NELL2: variants seen among roughly 807,000 people sequenced by gnomAD.
NELL2 encodes the protein neural EGFL like 2, also known as protein kinase C-binding protein NELL2.
A neutral mutation model predicts 109.6 loss-of-function variants in NELL2; 41 were observed. That is an observed-to-expected ratio of 0.37 (90% CI 0.29 to 0.49). The LOEUF (loss-of-function observed/expected upper bound fraction) is 0.49. Among genes scored for constraint, NELL2 ranks in the 20% least tolerant of loss-of-function variants. NELL2 has a pLI of 0.98. For synonymous variants in NELL2, 355 were observed against 344.7 expected, an observed-to-expected ratio of 1.03 and a Z score of -0.33; for missense variants, 900 against 1,008.3, an observed-to-expected ratio of 0.89 and a Z score of 1.45.
chr12:44,707,842 T>TAGCCAGAATCATGAAGGTGATAATTG, intron 11 of NELL2, among the ~76,000 whole-genome samples: 1 of 152,170 alleles, frequency 6.6e-6, no homozygotes, highest in African/African-American at 2.4e-5. Flanking sequence ...ACATAGCACA[T>TAGCCAGAATCATGAAGGTGATAATTG]AGCCAGAATC....
intron 19 of NELL2, 132 bp downstream of exon 19, chr12:44,519,873 C>T: frequency 1.3e-6 from 1 of 776,182 alleles, no homozygotes; most frequent in East Asian, 2.7e-5. Context: ...TGGCATTCCG[C>T]CCACCTATGT....
rs537505900 is a variant in NELL2, at chr12:44,731,096, C to T, written c.995-16355G>A. ...CATTAGATAACTGGTAAGGAGATTG[C>T]TTCATCAATCAAAAATCTCTCAGCA... On this transcript the variant is annotated intron_variant, in intron 9 of 19. Transcript: ENST00000429094. 2.6e-5 allele frequency among the ~76,000 whole-genome samples: 4 copies of T among 152,166 alleles called. No homozygotes were observed. The East Asian group carries it at 5.8e-4, about 22-fold the overall frequency.
Position 44,653,009 on chromosome 12 carries a change from C to T in NELL2, c.1444+12475G>A, listed in dbSNP as rs193088130. Among the ~76,000 whole-genome samples the T allele has an allele frequency of 4.6e-3, 700 of 152,298 alleles. 3 individuals carry two copies. Among genetic ancestry groups the T allele is most frequent in the Admixed American group, 7.8e-3 (120 of 15,302 alleles). On this transcript the variant is annotated intron_variant, in intron 13 of 19. Coordinates refer to ENST00000429094, the MANE Select transcript of NELL2 (RefSeq NM_001145108.2). ...GATTAGATTGGGACCACCTGGATAA[C>T]CCAGGATAAGCTCCTCATTTCAAGG...
chr12:44,702,862 G>A (rs1178335858), intron 12 of NELL2, among the ~76,000 whole-genome samples: 1 of 152,154 alleles, frequency 6.6e-6, no homozygotes, highest in Non-Finnish European at 1.5e-5. Flanking sequence ...GGTTTCCCGA[G>A]AGCCAACAAA....
chr12:44,835,245 G>A (rs913523678), intron 2 of NELL2, among the ~76,000 whole-genome samples: 3 of 152,110 alleles, frequency 2.0e-5, no homozygotes, highest in Non-Finnish European at 4.4e-5. Context: ...TACTCCACTC[G>A]CCCGACGTGC....
intron 2 of NELL2, among the ~76,000 whole-genome samples, chr12:44,869,291 T>C (rs1945097437): frequency 6.6e-6 from 1 of 152,174 alleles, no homozygotes; most frequent in Non-Finnish European, 1.5e-5. Flanking sequence ...CACCACTTGG[T>C]TTCAAGGTCT....
intron 11 of NELL2, among the ~76,000 whole-genome samples, chr12:44,710,912 AT>A (rs1380804248): frequency 6.6e-6 from 1 of 152,136 alleles, no homozygotes; most frequent in Non-Finnish European, 1.5e-5. Flanking sequence ...CTGAGGAGAA[AT>A]GAAAAACAAA....
rs529435944 is a variant in NELL2, at chr12:44,748,942, C to T, written c.994+25805G>A. Among the ~76,000 whole-genome samples, 6 of 152,250 alleles carry T rather than the reference C, an allele frequency of 3.9e-5. No individual in the cohort carries two copies. The South Asian group carries it at 1.2e-3, about 31-fold the overall frequency. Reference sequence around the variant, plus strand: ...TTGCATTATAGTGAATTTGCACATACTCATAAATAATTTACAGACTATAAA... The same window carrying T: ...TTGCATTATAGTGAATTTGCACATATTCATAAATAATTTACAGACTATAAA... On this transcript the variant is annotated intron_variant, in intron 9 of 19. Transcript: ENST00000429094.
chr12:44,910,123 T>C (rs996933097), intron 1 of NELL2, among the ~76,000 whole-genome samples: 4 of 151,746 alleles, frequency 2.6e-5, no homozygotes, highest in Admixed American at 2.0e-4. Flanking sequence ...AAAGCAAAAA[T>C]TGACAAGTGG....
chr12:44,753,401 C>A (rs1315460133), intron 9 of NELL2, among the ~76,000 whole-genome samples: 9 of 152,172 alleles, frequency 5.9e-5, no homozygotes, highest in African/African-American at 1.2e-4. Flanking sequence ...GATGAAAGAA[C>A]ATCTGGATAA....
At chr12:44,686,237 A>C (rs1324075064) in intron 12 of NELL2, among the ~76,000 whole-genome samples, 1 of 152,120 alleles carries the variant, frequency 6.6e-6, no homozygotes, top group Non-Finnish European at 1.5e-5. Context: ...TTCTTCACGT[A>C]GTTCTCGAGC....
Position 44,724,591 on chromosome 12 carries a change from C to A in NELL2, c.995-9850G>T, listed in dbSNP as rs532390399. On this transcript the variant is annotated intron_variant, in intron 9 of 19. Coordinates refer to ENST00000429094, the MANE Select transcript of NELL2 (RefSeq NM_001145108.2). Reference sequence around the variant, plus strand: ...ACCAAGAGAATTACAAAACACTCCTCAAATAAATCAGAGAAGACACAAAAA... The same window carrying A: ...ACCAAGAGAATTACAAAACACTCCTAAAATAAATCAGAGAAGACACAAAAA... 2.6e-5 allele frequency among the ~76,000 whole-genome samples: 4 copies of A among 152,002 alleles called. No individual in the cohort carries two copies. In the East Asian group the frequency reaches 7.8e-4, roughly 30 times the overall value.
chr12:44,578,631 T>C (rs1944201845), intron 15 of NELL2, among the ~76,000 whole-genome samples: 3 of 7,656 alleles, frequency 3.9e-4, no homozygotes, highest in Non-Finnish European at 2.7e-4. Flanking sequence ...AATATAGCCT[T>C]TTTTTTTTTT....
At chr12:44,775,971 AG>A in intron 8 of NELL2, 50 bp downstream of exon 8, 1 of 1,578,198 alleles carries the variant, frequency 6.3e-7, no homozygotes, top group Non-Finnish European at 8.6e-7. Flanking sequence ...AAATTTTTAA[AG>A]AGTGGGAGCA....
chr12:44,747,467 T>TA (rs1459595505), intron 9 of NELL2, among the ~76,000 whole-genome samples: 1 of 151,734 alleles, frequency 6.6e-6, no homozygotes, highest in Non-Finnish European at 1.5e-5. Flanking sequence ...ATAATAATAT[T>TA]AAAAAGAATA....
chr12:44,760,261 CAAAAT>C (rs1309497450), intron 9 of NELL2, among the ~76,000 whole-genome samples: 2 of 151,980 alleles, frequency 1.3e-5, no homozygotes, highest in Admixed American at 1.3e-4. Context: ...AAATAACAAA[CAAAAT>C]AATATAGATT....
intron 9 of NELL2, among the ~76,000 whole-genome samples, chr12:44,766,699 A>G (rs1251179213): frequency 1.3e-5 from 2 of 152,146 alleles, no homozygotes; most frequent in African/African-American, 4.8e-5. Context: ...CCTCTTACTT[A>G]TTTCAAAGCC....
chr12:44,539,024 T>C (rs1379746582), intron 15 of NELL2, among the ~76,000 whole-genome samples: 1 of 152,200 alleles, frequency 6.6e-6, no homozygotes, highest in African/African-American at 2.4e-5. Context: ...CATACTAAAA[T>C]TAATGTTCCT....
chr12:44,716,272 A>T (rs190074021), intron 9 of NELL2, among the ~76,000 whole-genome samples: 8 of 152,326 alleles, frequency 5.3e-5, no homozygotes, highest in African/African-American at 1.9e-4. Context: ...TCATCCTCCA[A>T]CTGATCTCCT....
Sources: gnomAD v4.1 joint callset for allele counts (sites outside exome capture counted in the v4.1 genomes callset) on GRCh38, gnomAD v4.1.1 for gene constraint, MANE v1.5 for transcripts, NCBI Gene and HGNC (gene_info 2026-07-23, HGNC 2026-07-21) for gene names.